The following FCRL6 variants were observed in gnomAD, a reference collection of about 807,000 sequenced individuals.
FCRL6 encodes Fc receptor like 6, also known as Fc receptor-like protein 6.
Under a neutral mutation model 49.1 loss-of-function variants are expected in FCRL6, and 50 were observed. That is an observed-to-expected ratio of 1.02 (90% CI 0.81 to 1.29). FCRL6 has a LOEUF of 1.29. Among genes scored for constraint, FCRL6 ranks in the 50% most tolerant of loss-of-function variants. The pLI is 0.00. For synonymous variants in FCRL6, 213 were observed against 199.6 expected (o/e 1.07, Z -0.57); for missense variants, 571 against 518.5 (o/e 1.10, Z -0.98).
rs867615456 is a variant in FCRL6, at chr1:159,815,911, A to T, written c.*250A>T. The T allele has an allele frequency of 2.1e-6, 1 of 465,906 alleles. No homozygotes were observed. The highest frequency in any genetic ancestry group is 2.0e-5 in the African/African-American group (1 of 50,926). 28.9% of individuals were successfully genotyped at this position (465,906 alleles called of 1,614,324 possible). A position where few individuals can be genotyped will look rare whatever the true frequency, so the allele number is the denominator to read the frequency against. ...ACTTAGGTTCAATCAGTGACACTGG[A>T]CACATAAGCCACAGATGTCTTCTTT... On this transcript the variant is annotated 3_prime_UTR_variant, in exon 10 of 10. Transcript: ENST00000368106.
intron 1 of FCRL6, among the ~76,000 whole-genome samples, chr1:159,805,779 G>A (rs1662637064): frequency 6.6e-6 from 1 of 152,180 alleles, no homozygotes; most frequent in South Asian, 2.1e-4. Context: ...TCTTTCAGGG[G>A]ACTTATCCTC....
At chr1:159,802,941 C>T (rs1182374515) in intron 1 of FCRL6, among the ~76,000 whole-genome samples, 1 of 152,178 alleles carries the variant, frequency 6.6e-6, no homozygotes, top group Non-Finnish European at 1.5e-5. Context: ...TATGGAGCCT[C>T]AGCATTTTCT....
At chr1:159,811,493 C>A (rs2022167873) in intron 6 of FCRL6, among the ~76,000 whole-genome samples, 1 of 152,186 alleles carries the variant, frequency 6.6e-6, no homozygotes, top group Non-Finnish European at 1.5e-5. Context: ...TTAAGGAAGA[C>A]CACCCAGTCA....
At position 159,813,519 on chromosome 1, in the gene FCRL6, C is replaced by A. The variant is rs1663206450; in HGVS notation, c.1040C>A (p.Ala347Asp). 6.2e-7 allele frequency: 1 copy of A among 1,614,038 alleles called. No homozygotes were observed. Among genetic ancestry groups the A allele is most frequent in the African/African-American group, 1.3e-5 (1 of 74,946 alleles). ...GPLPSQIPPT[A>D]PGGEQCPLYA... is the part of the protein sequence containing the mutation. ...CTTCCATCCCAGATACCACCCACAG[C>A]TCCAGGTGGAGAGCAGTGCCCACTA... Residue 347 changes from alanine (A) to aspartate (D), a missense_variant, in exon 7 of 10, where the codon GCT becomes GAT. Ala to Asp is a moderately radical substitution (Grantham distance 126, BLOSUM62 -2). Coordinates refer to ENST00000368106, the MANE Select transcript of FCRL6 (RefSeq NM_001004310.3).
rs768602860 is a variant in FCRL6 at position 159,811,249 on chromosome 1, A to G, written c.1009+1033A>G. ...TTTGCTCGCCTCAGGCCACACACAT[A>G]TAAGGAATGGCTACCAGTGCCAAAG... On this transcript the variant is annotated intron_variant, in intron 6 of 9. Transcript: ENST00000368106. 2.0e-5 allele frequency among the ~76,000 whole-genome samples: 3 copies of G among 152,234 alleles called. No individual in the cohort carries two copies. The South Asian group carries it at 6.2e-4, about 31-fold the overall frequency.
At chr1:159,806,439 G>C (rs1055694541) in intron 1 of FCRL6, among the ~76,000 whole-genome samples, 157 bp from the exon 2 acceptor site, 1 of 152,106 alleles carries the variant, frequency 6.6e-6, no homozygotes, top group Non-Finnish European at 1.5e-5. Flanking sequence ...TTATGTGGTT[G>C]GATGGTTGGA....
At position 159,808,297 on chromosome 1, in the gene FCRL6, T is replaced by C. The variant is rs1662835230; in HGVS notation, c.172T>C (p.Phe58Leu). The change falls in exon 3 of 10, where the codon TTC becomes CTC. Residue 58 changes from phenylalanine (F) to leucine (L), a missense_variant. Transcript: ENST00000368106. ...SQVKFYRDGK[F>L]LHFSKENQTL... ...GGTGAAGTTCTACAGAGATGGAAAA[T>C]TCCTTCATTTCTCTAAGGAAAACCA... 4 of 1,614,160 alleles carry C rather than the reference T, an allele frequency of 2.5e-6. No homozygotes were observed. The highest frequency in any genetic ancestry group is 3.4e-6 in the Non-Finnish European group (4 of 1,180,014).
At chr1:159,807,399 G>T (rs1662762271) in intron 2 of FCRL6, among the ~76,000 whole-genome samples, 1 of 149,704 alleles carries the variant, frequency 6.7e-6, no homozygotes, top group Non-Finnish European at 1.5e-5. Context: ...ACAGGCTGGG[G>T]ACAGATACAG....
Position 159,809,543 on chromosome 1 carries a change from G to A in FCRL6, c.746G>A (p.Gly249Glu). ...TTCTACCTTGATGAGAAGATTGTGG[G>A]GAACCACTCAGCTCCCTGTGGTGGA... is the stretch of plus-strand genomic sequence containing the variant. ...YSFYLDEKIV[G>E]NHSAPCGGTT... Residue 249 changes from glycine (G) to glutamate (E), a missense_variant, in exon 5 of 10, where the codon GGG becomes GAG. Gly to Glu is a moderately conservative substitution (Grantham distance 98). Coordinates refer to ENST00000368106, the MANE Select transcript of FCRL6 (RefSeq NM_001004310.3). 1 of 1,614,192 alleles carries A rather than the reference G, an allele frequency of 6.2e-7. No homozygotes were observed. Among genetic ancestry groups the A allele is most frequent in the Non-Finnish European group, 8.5e-7 (1 of 1,180,024 alleles).
intron 5 of FCRL6, 117 bp from the exon 6 acceptor site, chr1:159,809,977 C>A: frequency 3.0e-6 from 4 of 1,317,652 alleles, no homozygotes; most frequent in Non-Finnish European, 4.2e-6. Context: ...TATGAGGCTC[C>A]CCCAGGCCAG....
intron 1 of FCRL6, 61 bp downstream of exon 1, chr1:159,802,516 G>A (rs1403737180): frequency 6.8e-6 from 10 of 1,460,234 alleles, no homozygotes; most frequent in Non-Finnish European, 9.6e-6. Flanking sequence ...TCATCCCTGA[G>A]ACACCAAGTT....
upstream of FCRL6, among the ~76,000 whole-genome samples, chr1:159,802,069 G>A (rs879862315): frequency 2.6e-5 from 4 of 152,072 alleles, no homozygotes; most frequent in Non-Finnish European, 5.9e-5. Context: ...AAGCAAATTC[G>A]GGCAGTCTCT....
upstream of FCRL6, chr1:159,800,572 A>G (rs1488692784): frequency 6.5e-6 from 10 of 1,549,542 alleles, no homozygotes; most frequent in Non-Finnish European, 8.7e-6. Context: ...TCTGTTGGAA[A>G]GAGAACGATA....
chr1:159,809,528 A>G lies in FCRL6; in HGVS notation c.731A>G (p.Asp244Gly). ...CCGATCCTGTATTCCTTCTACCTTG[A>G]TGAGAAGATTGTGGGGAACCACTCA... The part of the protein sequence containing the change: ...SPPILYSFYL[D>G]EKIVGNHSAP... Residue 244 changes from aspartate (D) to glycine (G), a missense_variant, in exon 5 of 10, where the codon GAT (aspartate) becomes GGT (glycine). Physicochemically the swap from Asp to Gly is moderately conservative, Grantham distance 94. Coordinates refer to ENST00000368106, the MANE Select transcript of FCRL6 (RefSeq NM_001004310.3). The G allele has an allele frequency of 6.2e-7, 1 of 1,614,158 alleles. No individual in the cohort carries two copies. Among genetic ancestry groups the G allele is most frequent in the African/African-American group, 1.3e-5 (1 of 75,050 alleles).
In FCRL6 at chr1:159,802,472, G is replaced by A. The variant is rs1458092940; in HGVS notation, c.31+17G>A. The stretch of plus-strand genomic sequence containing the variant: ...TGCTCTTTGGTAAGTCAACGAGCAT[G>A]GGCATCCCCTCTTGGAGCACTAAGG... On this transcript the variant is annotated intron_variant, in intron 1 of 9. Coordinates refer to ENST00000368106, the MANE Select transcript of FCRL6 (RefSeq NM_001004310.3). The A allele has an allele frequency of 1.9e-6, 3 of 1,610,522 alleles. No homozygotes were observed. The highest frequency in any genetic ancestry group is 2.5e-6 in the Non-Finnish European group (3 of 1,177,260).
intron 1 of FCRL6, among the ~76,000 whole-genome samples, chr1:159,806,208 T>G (rs1335495339): frequency 6.6e-6 from 1 of 152,252 alleles, no homozygotes; most frequent in Non-Finnish European, 1.5e-5. Context: ...AATGGGGCAT[T>G]GTTTTAGTGA....
chr1:159,802,524 G>T, intron 1 of FCRL6, 69 bp downstream of exon 1: 3 of 1,401,508 alleles, frequency 2.1e-6, no homozygotes, highest in Non-Finnish European at 3.0e-6. Flanking sequence ...GAGACACCAA[G>T]TTCCTCATCT....
Position 159,815,536 on chromosome 1 carries a change from G to A in FCRL6, c.1180G>A (p.Asp394Asn). The A allele has an allele frequency of 1.2e-6, 2 of 1,614,186 alleles. No homozygotes were observed. Among genetic ancestry groups the A allele is most frequent in the Admixed American group, 1.7e-5 (1 of 60,026 alleles). The change falls in exon 10 of 10, where the codon GAC (aspartate) becomes AAC (asparagine). Residue 394 changes from aspartate (D) to asparagine (N), a missense_variant and splice_region_variant. Transcript: ENST00000368106. ...RSAEFTVGRK[D>N]SSIICAEVRC... The stretch of plus-strand genomic sequence containing the variant: ...TCATCCTGAGCCAACTCTTCCACAG[G>A]ACAGTTCTATCATCTGTGCGGAGGT...
rs769765588 is a variant in FCRL6, at chr1:159,809,512, T to C, written c.715T>C (p.Tyr239His). The C allele has an allele frequency of 1.9e-6, 3 of 1,614,172 alleles. No individual in the cohort carries two copies. The highest frequency in any genetic ancestry group is 1.7e-6 in the Non-Finnish European group (2 of 1,180,006). Residue 239 changes from tyrosine to histidine, a missense_variant, in exon 5 of 10, where the codon TAT (tyrosine) becomes CAT (histidine). By Grantham distance (83) the Tyr-to-His change is moderately conservative (BLOSUM62 2). Transcript: ENST00000368106. ...EAQRGSPPIL[Y>H]SFYLDEKIVG... ...ACAGAGGGGCTCCCCTCCGATCCTG[T>C]ATTCCTTCTACCTTGATGAGAAGAT... is the stretch of plus-strand genomic sequence containing the variant.
Sources: gnomAD v4.1 joint callset for allele counts (sites outside exome capture counted in the v4.1 genomes callset) on GRCh38, gnomAD v4.1.1 for gene constraint, MANE v1.5 for transcripts, NCBI Gene and HGNC (gene_info 2026-07-23, HGNC 2026-07-21) for gene names.